Variants in PDS5A observed in about 807,000 individuals in gnomAD.
PDS5A encodes the protein PDS5 cohesin associated factor A, also known as sister chromatid cohesion protein PDS5 homolog A.
In PDS5A, 42 loss-of-function variants were observed where a neutral mutation model predicts 167.1. The ratio of observed to expected loss-of-function variants is 0.25; its 90% confidence interval spans 0.20 to 0.33. The LOEUF (loss-of-function observed/expected upper bound fraction) is 0.33, where lower values mean the gene tolerates loss of function less well. PDS5A is among the 10% of genes least tolerant of loss of function. The pLI is 1.00. For missense variants in PDS5A, 1,033 were observed against 1,605.9 expected (o/e 0.64, Z 6.10); for synonymous variants, 553 against 554.6 (o/e 1.00, Z 0.04).
chr4:39,834,576 G>C (rs1272584193), intron 32 of PDS5A, among the ~76,000 whole-genome samples: 3 of 152,124 alleles, frequency 2.0e-5, no homozygotes, highest in African/African-American at 7.2e-5. Context: ...TTTTTAAAGA[G>C]TGCCAATTTT....
At chr4:39,922,319 C>T (rs1725058277) in intron 6 of PDS5A, among the ~76,000 whole-genome samples, 1 of 152,140 alleles carries the variant, frequency 6.6e-6, no homozygotes, top group African/African-American at 2.4e-5. Flanking sequence ...CTTTTCCAAA[C>T]AAAGTTAACC....
In PDS5A at chr4:39,920,386, T is replaced by G. The variant is rs1303067889; in HGVS notation, c.668A>C (p.Gln223Pro). Reference protein sequence around the residue: ...LIPAHKNLNKQSFDLAKVLLK... With the variant: ...LIPAHKNLNKPSFDLAKVLLK... ...TAGCACTTTTGCAAGGTCAAAGGAC[T>G]GTTTATTTAAGTTCTGAAAAATAAT... Residue 223 changes from glutamine (Q) to proline (P), a missense_variant, in exon 7 of 33, where the codon CAG (glutamine) becomes CCG (proline). Physicochemically the swap from Gln to Pro is moderately conservative, Grantham distance 76. Coordinates refer to ENST00000303538, the MANE Select transcript of PDS5A (RefSeq NM_001100399.2). 1.3e-6 allele frequency: 2 copies of G among 1,522,284 alleles called. No individual in the cohort carries two copies. The highest frequency in any genetic ancestry group is 1.8e-6 in the Non-Finnish European group (2 of 1,105,050). 94.3% of individuals were successfully genotyped at this position (1,522,284 alleles called of 1,614,324 possible). A position where few individuals can be genotyped will look rare whatever the true frequency, so the allele number is the denominator to read the frequency against.
intron 13 of PDS5A, 130 bp from the exon 14 acceptor site, chr4:39,900,637 G>A: frequency 1.6e-6 from 1 of 615,708 alleles, no homozygotes; most frequent in Non-Finnish European, 2.9e-6. Context: ...TAAATACCGG[G>A]AAATATATTT....
chr4:39,824,819 T>C lies in PDS5A; in HGVS notation c.*666A>G, dbSNP rs1441159357. ...CTGTTTACTACTTGCAAATCAATAA[T>C]TTTAATTTTCTCACTCTGATAAAAA... On this transcript the variant is annotated 3_prime_UTR_variant, in exon 33 of 33. Coordinates refer to ENST00000303538, the MANE Select transcript of PDS5A (RefSeq NM_001100399.2). 3.3e-5 allele frequency: 5 copies of C among 152,774 alleles called. No homozygotes were observed. The highest frequency in any genetic ancestry group is 3.4e-3 in the Middle Eastern group (1 of 294). 9.5% of individuals were successfully genotyped at this position (152,774 alleles called of 1,614,324 possible).
intron 14 of PDS5A, among the ~76,000 whole-genome samples, chr4:39,899,725 C>T (rs76297231): frequency 6.6e-4 from 100 of 151,732 alleles, no homozygotes; most frequent in African/African-American, 2.0e-3. Flanking sequence ...GGAGCACACC[C>T]GTAGTCCCAG....
At chr4:39,950,894 A>AT (rs957118529) in intron 2 of PDS5A, among the ~76,000 whole-genome samples, 42 of 151,314 alleles carry the variant, frequency 2.8e-4, no homozygotes, top group South Asian at 1.5e-3. Context: ...CCCACCCTGA[A>AT]TTTTTTTTTG....
intron 2 of PDS5A, among the ~76,000 whole-genome samples, chr4:39,970,797 T>C (rs886334319): frequency 6.9e-6 from 1 of 145,116 alleles, no homozygotes; most frequent in Non-Finnish European, 1.5e-5. Context: ...TTCCTTTTTT[T>C]TTTTTTTTTT....
intron 2 of PDS5A, chr4:39,973,509 C>G: frequency 7.7e-7 from 1 of 1,298,928 alleles, no homozygotes; most frequent in South Asian, 1.2e-5. Context: ...ATGAACGTCT[C>G]CAGAAAGAGT....
rs111347212 is a variant in PDS5A, at chr4:39,959,956, G to C, written c.138+16484C>G. Among the ~76,000 whole-genome samples, 145 of 152,214 alleles carry C rather than the reference G, an allele frequency of 9.5e-4. 2 individuals carry two copies. The highest frequency in any genetic ancestry group is 6.8e-3 in the Middle Eastern group (2 of 294). Reference sequence around the variant, plus strand: ...AAAATACAAAAATTAGGTGGGCATGGTGGTACGTAACCAGCAGTCCCACCA... The same window carrying C: ...AAAATACAAAAATTAGGTGGGCATGCTGGTACGTAACCAGCAGTCCCACCA... On this transcript the variant is annotated intron_variant, in intron 2 of 32. Transcript: ENST00000303538.
intron 17 of PDS5A, among the ~76,000 whole-genome samples, chr4:39,883,672 G>T (rs188109352): frequency 1.3e-5 from 2 of 151,888 alleles, no homozygotes; most frequent in East Asian, 3.9e-4. Context: ...GTCTCATTCT[G>T]TTGCCCAGGA....
In PDS5A at chr4:39,898,824, G is replaced by A. The variant is rs1330341293; in HGVS notation, c.1583C>T (p.Ser528Leu). ...ELLDLHKQPTSEANCSAMFGK... is the reference protein window; with the variant it reads ...ELLDLHKQPTLEANCSAMFGK... ...AAACATGGCAGAACAGTTAGCCTCT[G>A]ACTGAAATTTAAAACAGAAACAAAA... is the stretch of plus-strand genomic sequence containing the variant. The change falls in exon 15 of 33, where the codon TCA (serine) becomes TTA (leucine). Residue 528 changes from serine to leucine, a missense_variant and splice_region_variant. By Grantham distance (145) the Ser-to-Leu change is moderately radical. Around this residue, in one of 4 missense-constraint regions of PDS5A, gnomAD observed 45 missense variants for 40.2 expected, o/e 1.12. Coordinates refer to ENST00000303538, the MANE Select transcript of PDS5A (RefSeq NM_001100399.2). The A allele has an allele frequency of 2.5e-6, 4 of 1,585,562 alleles. No individual in the cohort carries two copies. Among genetic ancestry groups the A allele is most frequent in the Non-Finnish European group, 3.4e-6 (4 of 1,162,328 alleles).
At chr4:39,831,200 G>T (rs1050686068) in intron 32 of PDS5A, among the ~76,000 whole-genome samples, 1 of 152,148 alleles carries the variant, frequency 6.6e-6, no homozygotes, top group Non-Finnish European at 1.5e-5. Context: ...TTGCCTCCTG[G>T]CAATTCTTCT....
chr4:39,877,413 C>T (rs1425015497), intron 18 of PDS5A, among the ~76,000 whole-genome samples: 1 of 152,132 alleles, frequency 6.6e-6, no homozygotes, highest in African/African-American at 2.4e-5. Context: ...TCTTAGTCTA[C>T]TCTGCTACTT....
chr4:39,900,634 C>T (rs1035320543), intron 13 of PDS5A, 127 bp from the exon 14 acceptor site: 6 of 611,950 alleles, frequency 9.8e-6, no homozygotes, highest in South Asian at 4.1e-5. Flanking sequence ...GTTTAAATAC[C>T]GGGAAATATA....
At chr4:39,955,006 C>T (rs750357130) in intron 2 of PDS5A, among the ~76,000 whole-genome samples, 128 of 151,718 alleles carry the variant, frequency 8.4e-4, no homozygotes, top group Non-Finnish European at 1.7e-3. Context: ...TGAAACTGAA[C>T]GCCAGCCAGC....
At chr4:39,916,357 TTC>T (rs905401656) in intron 8 of PDS5A, among the ~76,000 whole-genome samples, 1 of 152,178 alleles carries the variant, frequency 6.6e-6, no homozygotes, top group Admixed American at 6.5e-5. Context: ...ACAGTCAAAT[TTC>T]TGTCCTTAAT....
In PDS5A at chr4:39,874,282, G is replaced by C; in HGVS notation, c.2277+7C>G. 1 of 1,608,422 alleles carries C rather than the reference G, an allele frequency of 6.2e-7. No individual in the cohort carries two copies. On this transcript the variant is annotated splice_region_variant and intron_variant, in intron 20 of 32. Coordinates refer to ENST00000303538, the MANE Select transcript of PDS5A (RefSeq NM_001100399.2). Reference sequence around the variant, plus strand: ...CAATATAAACACAACCTATATATTAGATATACCTCAAAAATCTGTGCAAGC... The same window carrying C: ...CAATATAAACACAACCTATATATTACATATACCTCAAAAATCTGTGCAAGC...
chr4:39,876,692 C>T (rs1365634698), intron 19 of PDS5A, among the ~76,000 whole-genome samples: 1 of 152,156 alleles, frequency 6.6e-6, no homozygotes, highest in Admixed American at 6.5e-5. Context: ...ATTAGAAAGA[C>T]ATTAGTCATA....
At chr4:39,881,423 A>G (rs1720917497) in intron 17 of PDS5A, among the ~76,000 whole-genome samples, 2 of 152,122 alleles carry the variant, frequency 1.3e-5, no homozygotes, top group Admixed American at 1.3e-4. Flanking sequence ...TTGAAGTTTA[A>G]ACTAAGTTTA....
Sources: allele counts gnomAD v4.1 joint callset (sites outside exome capture counted in the v4.1 genomes callset), GRCh38; gene constraint gnomAD v4.1.1; regional missense constraint gnomAD v4.1.1; transcripts MANE v1.5; gene names NCBI Gene and HGNC (gene_info 2026-07-23, HGNC 2026-07-21).